The following FAT1 variants were observed in gnomAD, a reference collection of about 807,000 sequenced individuals.
The protein encoded by FAT1 is FAT atypical cadherin 1.
In FAT1, 171 loss-of-function variants were observed where a neutral mutation model predicts 329.8. The observed-to-expected ratio is 0.52, with a 90% CI of 0.46 to 0.59. The LOEUF (loss-of-function observed/expected upper bound fraction) is 0.59, where lower values mean the gene tolerates loss of function less well. Among genes scored for constraint, FAT1 ranks in the 20% least tolerant of loss-of-function variants. The pLI, the probability that FAT1 is intolerant of heterozygous loss-of-function variation, is 0.00. For synonymous variants in FAT1, 2,233 were observed against 2,228.6 expected, an observed-to-expected ratio of 1.00 and a Z score of -0.06; for missense variants, 5,672 against 5,774.4, an observed-to-expected ratio of 0.98 and a Z score of 0.57.
At chr4:186,692,048 A>G (rs1743791968) in intron 2 of FAT1, among the ~76,000 whole-genome samples, 2 of 151,966 alleles carry the variant, frequency 1.3e-5, no homozygotes, top group African/African-American at 2.4e-5. Flanking sequence ...GAAGGCCACA[A>G]GTTTGTTTTT....
rs1322376398 is a variant in FAT1, at chr4:186,621,779, G to C, written c.4811-4C>G. On this transcript the variant is annotated splice_region_variant and splice_polypyrimidine_tract_variant and intron_variant, in intron 9 of 26. Transcript: ENST00000441802. ...ATAAAAGAATTTCCAATATTTCCTG[G>C]AAGGAGAGGAAAAAATACATGTTAC... is the stretch of plus-strand genomic sequence containing the variant. 1.3e-6 allele frequency: 2 copies of C among 1,528,798 alleles called. No individual in the cohort carries two copies. Among genetic ancestry groups the C allele is most frequent in the South Asian group, 1.3e-5 (1 of 79,856 alleles). The allele number at this position is 1,528,798 out of a possible 1,614,324, so 94.7% of individuals were successfully genotyped here. A position where few individuals can be genotyped will look rare whatever the true frequency, so the allele number is the denominator to read the frequency against.
chr4:186,620,829 G>A lies in FAT1; in HGVS notation c.5757C>T (p.Thr1919=), dbSNP rs779716177. ...AAAACTTCTCCCCGATGTTGCCTTCGGTGATGGAGTAAATCAACTGTGAGA... is the reference window on the plus strand; with the variant it reads ...AAAACTTCTCCCCGATGTTGCCTTCAGTGATGGAGTAAATCAACTGTGAGA... ...SAFSQLIYSI[T]EGNIGEKFSM... is the part of the protein sequence containing the mutation. Residue 1919 remains threonine (T), a synonymous_variant, in exon 10 of 27, where the codon ACC becomes ACT. Coordinates refer to ENST00000441802, the MANE Select transcript of FAT1 (RefSeq NM_005245.4). 9 of 1,613,860 alleles carry A rather than the reference G, an allele frequency of 5.6e-6. No individual in the cohort carries two copies. The highest frequency in any genetic ancestry group is 2.2e-5 in the East Asian group (1 of 44,892).
At chr4:186,595,568 G>A in intron 26 of FAT1, 121 bp downstream of exon 26, 1 of 1,121,968 alleles carries the variant, frequency 8.9e-7, no homozygotes, top group Non-Finnish European at 1.3e-6. Flanking sequence ...GTTTAAAAGT[G>A]GTCCAAGAAA....
chr4:186,648,195 G>C (rs754078412), intron 3 of FAT1, among the ~76,000 whole-genome samples: 2 of 152,124 alleles, frequency 1.3e-5, no homozygotes, highest in Non-Finnish European at 2.9e-5. Flanking sequence ...AGAGAGGAGG[G>C]AAGAGAGGAG....
In FAT1 at chr4:186,603,402, T is replaced by G; in HGVS notation, c.11124A>C (p.Thr3708=). The change falls in exon 19 of 27, where the codon ACA becomes ACC. Residue 3708 remains threonine (T), a synonymous_variant. Coordinates refer to ENST00000441802, the MANE Select transcript of FAT1 (RefSeq NM_005245.4). ...AGTTAATCTTGTGCAGAAGTTGTTT[T>G]GTTGAGATCTGAGCACTACCTGGTT... The part of the protein sequence containing the change: ...VEKPGSAQIS[T]KQLLHKINSS... 1 of 1,614,026 alleles carries G rather than the reference T, an allele frequency of 6.2e-7. No homozygotes were observed. Among genetic ancestry groups the G allele is most frequent in the East Asian group, 2.2e-5 (1 of 44,880 alleles).
At position 186,621,164 on chromosome 4, in the gene FAT1, C is replaced by G. The variant is rs764078753; in HGVS notation, c.5422G>C (p.Val1808Leu). Residue 1808 changes from valine (V) to leucine (L), a missense_variant, in exon 10 of 27, where the codon GTA (valine) becomes CTA (leucine). This residue lies in a region of FAT1 where 3,966 missense variants were observed against 3,915.2 expected (regional missense o/e 1.01). Transcript: ENST00000441802. ...ACAGATGGTTCAACAATGTGATATA[C>G]AAGCAAAGCATTTGAGTCTTTATCA... is the stretch of plus-strand genomic sequence containing the variant. The part of the protein sequence containing the change: ...DADKDSNALL[V>L]YHIVEPSVHT... 1 of 1,613,938 alleles carries G rather than the reference C, an allele frequency of 6.2e-7. No individual in the cohort carries two copies. The highest frequency in any genetic ancestry group is 8.5e-7 in the Non-Finnish European group (1 of 1,179,902).
chr4:186,682,568 T>C (rs1743280627), intron 2 of FAT1, among the ~76,000 whole-genome samples: 2 of 146,054 alleles, frequency 1.4e-5, no homozygotes, highest in South Asian at 4.4e-4. Context: ...GTTTCTAACA[T>C]GATGCGTATG....
Position 186,708,673 on chromosome 4 carries a change from A to C in FAT1, c.1155T>G (p.Pro385=). 1.2e-6 allele frequency: 2 copies of C among 1,613,930 alleles called. No homozygotes were observed. The highest frequency in any genetic ancestry group is 1.7e-6 in the Non-Finnish European group (2 of 1,179,886). Residue 385 remains proline, a synonymous_variant, in exon 2 of 27, where the codon CCT becomes CCG. Coordinates refer to ENST00000441802, the MANE Select transcript of FAT1 (RefSeq NM_005245.4). ...EISEFAPPNT[P]VVMVKAIPAY... is the part of the protein sequence containing the mutation. The stretch of plus-strand genomic sequence containing the variant: ...CAGGAATGGCCTTTACCATGACCAC[A>C]GGTGTGTTGGGAGGAGCAAATTCAC...
chr4:186,623,885 A>G (rs763756833), intron 9 of FAT1, among the ~76,000 whole-genome samples: 2 of 152,214 alleles, frequency 1.3e-5, no homozygotes, highest in African/African-American at 4.8e-5. Context: ...TATCTGGGGC[A>G]TCATGACTCT....
chr4:186,688,430 T>G (rs1012745264), intron 2 of FAT1, among the ~76,000 whole-genome samples: 2 of 152,160 alleles, frequency 1.3e-5, no homozygotes, highest in Admixed American at 6.5e-5. Flanking sequence ...GGACCCCATG[T>G]GGTCCTTTCA....
At chr4:186,724,256 A>G (rs2126728922), upstream of FAT1, among the ~76,000 whole-genome samples, 1 of 147,408 alleles carries the variant, frequency 6.8e-6, no homozygotes, top group African/African-American at 2.6e-5. This position sits in a 1 kb window ranked among gnomAD's most constrained non-coding sequence, Gnocchi z 5.3. Flanking sequence ...TAGCTTTTCC[A>G]TAGCCTTCTG....
chr4:186,645,202 A>G (rs1326445756), intron 3 of FAT1, among the ~76,000 whole-genome samples: 4 of 151,728 alleles, frequency 2.6e-5, no homozygotes, highest in Admixed American at 6.6e-5. Flanking sequence ...CCAAGCCTGC[A>G]CAAGAGTGGA....
At chr4:186,595,613 T>G in intron 26 of FAT1, 76 bp downstream of exon 26, 1 of 1,522,132 alleles carries the variant, frequency 6.6e-7, no homozygotes, top group Admixed American at 1.7e-5. Context: ...GGGTAGATAG[T>G]GCGTCTACAT....
chr4:186,667,006 C>G (rs1742472693), intron 2 of FAT1, among the ~76,000 whole-genome samples: 1 of 152,212 alleles, frequency 6.6e-6, no homozygotes, highest in Admixed American at 6.5e-5. Context: ...ATGAGTCAAA[C>G]TTCCTATTTC....
Position 186,620,142 on chromosome 4 carries a change from T to C in FAT1, c.6444A>G (p.Lys2148=), listed in dbSNP as rs1253488728. ...KKQFELDTLN[K]EYLVTVVAKD... is the part of the protein sequence containing the mutation. ...TTGCAACCACTGTAACAAGATATTC[T>C]TTATTTAAGGTGTCAAGCTCAAATT... The change falls in exon 10 of 27, where the codon AAA becomes AAG. Residue 2148 remains lysine (K), a synonymous_variant. Coordinates refer to ENST00000441802, the MANE Select transcript of FAT1 (RefSeq NM_005245.4). 1 of 1,614,018 alleles carries C rather than the reference T, an allele frequency of 6.2e-7. No individual in the cohort carries two copies.
intron 2 of FAT1, among the ~76,000 whole-genome samples, chr4:186,698,082 T>G (rs1249396185): frequency 2.6e-5 from 4 of 152,174 alleles, no homozygotes; most frequent in African/African-American, 9.6e-5. Context: ...CCTTCACAAC[T>G]GCAATTACTG....
chr4:186,687,369 A>G (rs1306979189), intron 2 of FAT1, among the ~76,000 whole-genome samples: 2 of 152,162 alleles, frequency 1.3e-5, no homozygotes, highest in Non-Finnish European at 2.9e-5. Flanking sequence ...TGCTGATGGG[A>G]TGTCTAGTTC....
chr4:186,596,932 C>G lies in FAT1; in HGVS notation c.12608G>C (p.Arg4203Pro), dbSNP rs200185840. 1.2e-6 allele frequency: 2 copies of G among 1,613,970 alleles called. No individual in the cohort carries two copies. The highest frequency in any genetic ancestry group is 2.2e-5 in the East Asian group (1 of 44,870). The change falls in exon 25 of 27, where the codon CGT (arginine) becomes CCT (proline). Residue 4203 changes from arginine (R) to proline (P), a missense_variant. Physicochemically the swap from Arg to Pro is moderately radical, Grantham distance 103. Around this residue, in one of 2 missense-constraint regions of FAT1, gnomAD observed 1,706 missense variants for 1,859.1 expected, o/e 0.92. Coordinates refer to ENST00000441802, the MANE Select transcript of FAT1 (RefSeq NM_005245.4). The surrounding 1 kb of genome is among the most constrained non-coding windows in gnomAD (Gnocchi z 4.7). ...FLLVVVFVLCRKMISRKKKHQ... is the reference protein window; with the variant it reads ...FLLVVVFVLCPKMISRKKKHQ... ...CTTCTTTTTCCGACTAATCATCTTA[C>G]GGCAGAGAACAAACACCACCACCAG...
rs144385808 is a variant in FAT1 at position 186,710,454 on chromosome 4, T to C, written c.-18-609A>G. On this transcript the variant is annotated intron_variant, in intron 1 of 26. Transcript: ENST00000441802. ...TTCACTCCCTACATAATGTAAGGGT[T>C]TATTGTCTCATTTCGCTCTATGTAA... Among the ~76,000 whole-genome samples, 41 of 152,354 alleles carry C rather than the reference T, an allele frequency of 2.7e-4. 1 individual carries two copies. The highest frequency in any genetic ancestry group is 9.4e-4 in the African/African-American group (39 of 41,578).
Sources: allele counts gnomAD v4.1 joint callset (sites outside exome capture counted in the v4.1 genomes callset), GRCh38; gene constraint gnomAD v4.1.1; regional missense constraint gnomAD v4.1.1; non-coding constraint Gnocchi (gnomAD v3.1); transcripts MANE v1.5; gene names NCBI Gene and HGNC (gene_info 2026-07-23, HGNC 2026-07-21).